Variants in IL36B observed in about 807,000 individuals in gnomAD.
The protein encoded by IL36B is interleukin-36 beta.
IL36B carries 23 observed loss-of-function variants against 19.3 expected under a neutral mutation model. That is an observed-to-expected ratio of 1.19 (90% CI 0.86 to 1.69). The LOEUF is 1.69. Among genes scored for constraint, IL36B ranks in the 40% most tolerant of loss-of-function variants. IL36B has a pLI of 0.00. For missense variants in IL36B, 217 were observed against 200.5 expected (o/e 1.08, Z -0.50); for synonymous variants, 59 against 59.7 (o/e 0.99, Z 0.05).
At chr2:113,032,210 C>G (rs912930252) in intron 1 of IL36B, among the ~76,000 whole-genome samples, 33 of 151,190 alleles carry the variant, frequency 2.2e-4, no homozygotes, top group Admixed American at 2.2e-3. Context: ...TTAATCACCA[C>G]TTTTCCTGAC....
intron 1 of IL36B, among the ~76,000 whole-genome samples, chr2:113,043,713 C>T (rs1254649760): frequency 6.6e-6 from 1 of 152,098 alleles, no homozygotes; most frequent in East Asian, 1.9e-4. Context: ...ACCACCACAC[C>T]CAGCTAACTT....
chr2:113,043,073 A>G lies in IL36B; in HGVS notation c.-58+9744T>C, dbSNP rs190630122. On this transcript the variant is annotated intron_variant, in intron 1 of 5. Transcript: ENST00000259213. ...TAGGCTTTTTGTTTTGGTCATCTGT[A>G]TATATTATTTGATACAAATATCTGT... Among the ~76,000 whole-genome samples the G allele has an allele frequency of 3.3e-5, 5 of 152,232 alleles. No homozygotes were observed. The East Asian group carries it at 9.6e-4, about 29-fold the overall frequency.
intron 5 of IL36B, among the ~76,000 whole-genome samples, chr2:113,023,413 T>C: frequency 6.6e-6 from 1 of 152,234 alleles, no homozygotes; most frequent in East Asian, 1.9e-4. Context: ...GTGGCTTTTA[T>C]TATGGCCACA....
intron 1 of IL36B, among the ~76,000 whole-genome samples, chr2:113,033,790 A>T (rs1375523160): frequency 3.9e-5 from 6 of 152,124 alleles, no homozygotes; most frequent in Non-Finnish European, 5.9e-5. Flanking sequence ...TGTCCAGGAG[A>T]GGAGAGGAGA....
chr2:113,025,602 C>T (rs895873800), intron 5 of IL36B, among the ~76,000 whole-genome samples: 4 of 152,050 alleles, frequency 2.6e-5, no homozygotes, highest in African/African-American at 9.7e-5. Flanking sequence ...AATAAATGTT[C>T]CATGAGAAGG....
At chr2:113,025,835 T>A (rs965993479) in intron 5 of IL36B, among the ~76,000 whole-genome samples, 1 of 152,184 alleles carries the variant, frequency 6.6e-6, no homozygotes, top group Non-Finnish European at 1.5e-5. Flanking sequence ...TGATAGAATC[T>A]GTCTTAGCTA....
chr2:113,027,946 C>T (rs780761547), intron 4 of IL36B: 1 of 1,614,054 alleles, frequency 6.2e-7, no homozygotes, highest in East Asian at 2.2e-5. Flanking sequence ...ATTAGTTATG[C>T]CTCTCTCCTT....
intron 4 of IL36B, chr2:113,027,772 G>A: frequency 3.4e-6 from 5 of 1,463,886 alleles, no homozygotes; most frequent in Non-Finnish European, 4.5e-6. Flanking sequence ...GTGGCTTTTG[G>A]ATAGTAAGAA....
intron 1 of IL36B, among the ~76,000 whole-genome samples, chr2:113,045,888 G>T (rs1685340311): frequency 6.6e-6 from 1 of 151,978 alleles, no homozygotes; most frequent in East Asian, 1.9e-4. Flanking sequence ...ATGTGTATTT[G>T]TTCATTTTAA....
intron 4 of IL36B, 97 bp from the exon 5 acceptor site, chr2:113,028,212 C>T: frequency 1.1e-6 from 1 of 951,114 alleles, no homozygotes; most frequent in Non-Finnish European, 1.7e-6. Context: ...ACTGCTGCCC[C>T]CAAAGGAAGG....
intron 1 of IL36B, among the ~76,000 whole-genome samples, chr2:113,042,863 C>CT (rs34905527): frequency 3.3e-5 from 5 of 150,986 alleles, no homozygotes; most frequent in Non-Finnish European, 5.9e-5. Flanking sequence ...CAGAAACTAC[C>CT]TTTTTTTTTC....
intron 4 of IL36B, 79 bp downstream of exon 5, chr2:113,027,354 G>T: frequency 2.1e-6 from 1 of 478,018 alleles, no homozygotes; most frequent in Non-Finnish European, 2.7e-6. Context: ...GTGGACCTGT[G>T]CAGTTCAAAA....
chr2:113,045,406 T>C (rs929295745), intron 1 of IL36B, among the ~76,000 whole-genome samples: 1 of 152,218 alleles, frequency 6.6e-6, no homozygotes, highest in African/African-American at 2.4e-5. Flanking sequence ...ATTTTCTCAG[T>C]ATCACTGGTT....
intron 1 of IL36B, among the ~76,000 whole-genome samples, chr2:113,049,417 T>C (rs1410437291): frequency 1.3e-5 from 2 of 152,104 alleles, no homozygotes; most frequent in Admixed American, 6.5e-5. Context: ...CTAGAATATA[T>C]ATAGAACTCC....
At chr2:113,043,254 G>A (rs561975134) in intron 1 of IL36B, among the ~76,000 whole-genome samples, 1 of 152,122 alleles carries the variant, frequency 6.6e-6, no homozygotes, top group Non-Finnish European at 1.5e-5. Flanking sequence ...TCTCTGAATA[G>A]AATCTTTCAA....
chr2:113,026,137 G>T lies in IL36B; in HGVS notation c.357C>A (p.Phe119Leu). ...TTCCCCATTGGTCAAGGGTTCCCAT[G>T]AAGCAGCTCTCTCTCACATCCAGGT... The change falls in exon 5 of 6, where the codon TTC becomes TTA. Residue 119 changes from phenylalanine to leucine, a missense_variant. Phe to Leu is a conservative substitution (Grantham distance 22). Coordinates refer to ENST00000259213, the MANE Select transcript of IL36B (RefSeq NM_014438.5). 6.2e-7 allele frequency: 1 copy of T among 1,613,930 alleles called. No individual in the cohort carries two copies. Among genetic ancestry groups the T allele is most frequent in the Non-Finnish European group, 8.5e-7 (1 of 1,179,826 alleles).
intron 1 of IL36B, among the ~76,000 whole-genome samples, chr2:113,033,508 G>T (rs1202636449): frequency 1.3e-5 from 2 of 152,174 alleles, no homozygotes; most frequent in African/African-American, 4.8e-5. Context: ...CAAAGTACTA[G>T]GATTACAGGC....
chr2:113,047,259 A>T (rs374677144), intron 1 of IL36B, among the ~76,000 whole-genome samples: 1 of 152,040 alleles, frequency 6.6e-6, no homozygotes, highest in Non-Finnish European at 1.5e-5. Context: ...AAATTCAGCC[A>T]TTTTGCCAAG....
At chr2:113,040,981 C>A (rs1386903593) in intron 1 of IL36B, among the ~76,000 whole-genome samples, 1 of 151,946 alleles carries the variant, frequency 6.6e-6, no homozygotes, top group Non-Finnish European at 1.5e-5. Flanking sequence ...CTTAGCAACA[C>A]CCTGTCTCTA....
Sources: gnomAD v4.1 joint callset for allele counts (sites outside exome capture counted in the v4.1 genomes callset) on GRCh38, gnomAD v4.1.1 for gene constraint, MANE v1.5 for transcripts, NCBI Gene and HGNC (gene_info 2026-07-23, HGNC 2026-07-21) for gene names.